The following ZNF680 variants were observed in gnomAD, a reference collection of about 807,000 sequenced individuals.
ZNF680 encodes the protein zinc finger protein 680.
Under a neutral mutation model 12.1 loss-of-function variants are expected in ZNF680, and 6 were observed. The ratio of observed to expected loss-of-function variants is 0.49; its 90% CI spans 0.27 to 0.98. The LOEUF (loss-of-function observed/expected upper bound fraction) is 0.98. Ranked by LOEUF, ZNF680 falls within the 50% of genes least tolerant of loss-of-function variation. ZNF680 has a pLI of 0.12. For synonymous variants in ZNF680, 170 were observed against 199.3 expected (o/e 0.85, Z 1.24); for missense variants, 561 against 616.3 (o/e 0.91, Z 0.95).
the ZNF680 span, among the ~76,000 whole-genome samples, chr7:64,508,145 A>T: frequency 3.2e-4 from 36 of 111,968 alleles, no homozygotes; most frequent in South Asian, 6.0e-4. Context: ...ATATATATAC[A>T]TAATTTTTTT....
chr7:64,505,457 T>C, the ZNF680 span, among the ~76,000 whole-genome samples: 1 of 152,214 alleles, frequency 6.6e-6, no homozygotes, highest in African/African-American at 2.4e-5. Context: ...TTTTTCATAA[T>C]AAGTTCAATT....
intron 3 of ZNF680, among the ~76,000 whole-genome samples, chr7:64,537,462 A>G (rs1367122152): frequency 6.6e-6 from 1 of 152,194 alleles, no homozygotes; most frequent in Admixed American, 6.5e-5. Context: ...AAAAATCCCA[A>G]TAGCACAGTT....
At chr7:64,538,154 T>TA (rs755474446) in intron 3 of ZNF680, among the ~76,000 whole-genome samples, 123 of 140,844 alleles carry the variant, frequency 8.7e-4, no homozygotes, top group Non-Finnish European at 1.6e-3. Context: ...TTTAGAAATT[T>TA]AAAAAATAAC....
At chr7:64,526,487 T>C in intron 3 of ZNF680, 1 of 1,074,764 alleles carries the variant, frequency 9.3e-7, no homozygotes, top group African/African-American at 1.6e-5. Flanking sequence ...GACCAGGAGT[T>C]CAAGATCAGC....
chr7:64,527,122 C>T (rs572429391), intron 3 of ZNF680, among the ~76,000 whole-genome samples: 146 of 152,238 alleles, frequency 9.6e-4, no homozygotes, highest in African/African-American at 3.3e-3. Flanking sequence ...CCGGTAATTC[C>T]AGCTACTCAG....
chr7:64,538,849 G>T (rs372376822), intron 3 of ZNF680, among the ~76,000 whole-genome samples: 4 of 151,998 alleles, frequency 2.6e-5, no homozygotes, highest in Admixed American at 1.3e-4. Flanking sequence ...GCCAAAACGC[G>T]GCCAGGCACA....
At chr7:64,541,604 G>C (rs1179230809) in intron 3 of ZNF680, among the ~76,000 whole-genome samples, 1 of 145,554 alleles carries the variant, frequency 6.9e-6, no homozygotes, top group African/African-American at 2.5e-5. Flanking sequence ...TACAGTCTAA[G>C]ATTAAGGAGT....
At chr7:64,533,337 T>C (rs541959014) in intron 3 of ZNF680, among the ~76,000 whole-genome samples, 4 of 152,304 alleles carry the variant, frequency 2.6e-5, no homozygotes, top group South Asian at 4.1e-4. Context: ...ATAAGATTAA[T>C]GTACACAAAC....
At chr7:64,549,480 T>C (rs894221320) in intron 1 of ZNF680, among the ~76,000 whole-genome samples, 1 of 152,224 alleles carries the variant, frequency 6.6e-6, no homozygotes, top group Non-Finnish European at 1.5e-5. Flanking sequence ...ACATGCCTCC[T>C]GTTGGTTTTC....
intron 3 of ZNF680, among the ~76,000 whole-genome samples, chr7:64,533,741 G>A (rs570077622): frequency 6.6e-6 from 1 of 152,218 alleles, no homozygotes; most frequent in African/African-American, 2.4e-5. Context: ...AAATCTGGAG[G>A]CATCAGACTA....
Position 64,548,752 on chromosome 7 carries a change from TGA to T in ZNF680, c.31-4322_31-4321del, listed in dbSNP as rs1786909045. 2.6e-5 allele frequency among the ~76,000 whole-genome samples: 4 copies of T among 152,204 alleles called. No homozygotes were observed. In the South Asian group the frequency reaches 8.3e-4, roughly 32 times the overall value. On this transcript the variant is annotated intron_variant, in intron 1 of 3. Transcript: ENST00000309683. ...TGTCTCAAAGATGCCTAGGTGATTG[TGA>T]GAGGGTTCCCAATGACCCTGGGCTG...
At chr7:64,531,422 C>T (rs1021645416) in intron 3 of ZNF680, among the ~76,000 whole-genome samples, 1 of 151,832 alleles carries the variant, frequency 6.6e-6, no homozygotes. Context: ...GGGGAAACCC[C>T]GTCCCTACTA....
chr7:64,542,851 A>G (rs1012806447), intron 3 of ZNF680, among the ~76,000 whole-genome samples: 1 of 152,120 alleles, frequency 6.6e-6, no homozygotes, highest in South Asian at 2.1e-4. Context: ...GGAACCTGCC[A>G]CCATGCCAGG....
rs1170166478 is a variant in ZNF680 at position 64,539,351 on chromosome 7, C to CAAAA, written c.253+4352_253+4355dup. ...GGGCAACAAGAGCAAAACTTCGTCT[C>CAAAA]AAAAAAAAAAAAAAAAAAAAAAAAG... On this transcript the variant is annotated intron_variant, in intron 3 of 3. Transcript: ENST00000309683. Among the ~76,000 whole-genome samples, 202 of 48,428 alleles carry CAAAA rather than the reference C, an allele frequency of 4.2e-3. 2 individuals carry two copies. The highest frequency in any genetic ancestry group is 5.1e-3 in the African/African-American group (50 of 9,768). 31.8% of individuals were successfully genotyped at this position (48,428 alleles called of 152,430 possible).
chr7:64,523,899 C>G (rs1470181700), intron 3 of ZNF680, among the ~76,000 whole-genome samples: 2 of 149,004 alleles, frequency 1.3e-5, no homozygotes, highest in African/African-American at 4.9e-5. Context: ...GGCGACAGAG[C>G]GAGACTCCAT....
the ZNF680 span, among the ~76,000 whole-genome samples, chr7:64,510,411 A>C: frequency 6.6e-6 from 1 of 152,044 alleles, no homozygotes; most frequent in African/African-American, 2.4e-5. Context: ...ATCCCAACTC[A>C]ATAAAAAAAA....
At chr7:64,529,031 A>C (rs945669288) in intron 3 of ZNF680, among the ~76,000 whole-genome samples, 1 of 152,204 alleles carries the variant, frequency 6.6e-6, no homozygotes, top group African/African-American at 2.4e-5. Flanking sequence ...TTCCAGCCCA[A>C]AGTTTGGTAG....
rs1786626869 is a variant in ZNF680 at position 64,543,702 on chromosome 7, C to T, written c.253+5G>A. 6.2e-7 allele frequency: 1 copy of T among 1,612,146 alleles called. No homozygotes were observed. Among genetic ancestry groups the T allele is most frequent in the Non-Finnish European group, 8.5e-7 (1 of 1,178,806 alleles). ...TCTGTTGTATTCACTATCACTCTCA[C>T]CTACCTGGGGGTTTGGCTACCATCT... On this transcript the variant is annotated splice_donor_5th_base_variant and intron_variant, in intron 3 of 3. Transcript: ENST00000309683.
rs762576067 is a variant in ZNF680 at position 64,522,179 on chromosome 7, C to A, written c.575G>T (p.Cys192Phe). 6 of 1,612,620 alleles carry A rather than the reference C, an allele frequency of 3.7e-6. No homozygotes were observed. Among genetic ancestry groups the A allele is most frequent in the South Asian group, 3.3e-5 (3 of 91,010 alleles). Residue 192 changes from cysteine to phenylalanine, a missense_variant, in exon 4 of 4, where the codon TGC (cysteine) becomes TTC (phenylalanine). By Grantham distance (205) the Cys-to-Phe change is radical. Transcript: ENST00000309683. ...ATGTTGTGTTAGATGTGAAAGCATG[C>A]AAAATGATTTGCCACATTCTTTACA... ...FKCKECGKSF[C>F]MLSHLTQHIR... is the part of the protein sequence containing the mutation.
Sources: gnomAD v4.1 joint callset for allele counts (sites outside exome capture counted in the v4.1 genomes callset) on GRCh38, gnomAD v4.1.1 for gene constraint, MANE v1.5 for transcripts, NCBI Gene and HGNC (gene_info 2026-07-23, HGNC 2026-07-21) for gene names.